The following ARHGAP21 variants were observed in gnomAD, a reference collection of about 807,000 sequenced individuals.
ARHGAP21 encodes rho GTPase-activating protein 21.
In ARHGAP21, 38 loss-of-function variants were observed where a neutral mutation model predicts 164.6. The observed-to-expected ratio is 0.23, with a 90% CI of 0.18 to 0.30. The LOEUF (loss-of-function observed/expected upper bound fraction) is 0.30, where lower values mean the gene tolerates loss of function less well. Among genes scored for constraint, ARHGAP21 ranks in the 10% least tolerant of loss-of-function variants. The pLI is 1.00. For synonymous variants in ARHGAP21, 766 were observed against 857.9 expected, an observed-to-expected ratio of 0.89 and a Z score of 1.87; for missense variants, 1,822 against 2,370.7, an observed-to-expected ratio of 0.77 and a Z score of 4.81.
At chr10:24,718,049 G>A (rs1004988300) in intron 2 of ARHGAP21, among the ~76,000 whole-genome samples, 3 of 152,134 alleles carry the variant, frequency 2.0e-5, no homozygotes, top group Non-Finnish European at 4.4e-5. Flanking sequence ...GGGAAACTCC[G>A]TAGGGAATCT....
intron 2 of ARHGAP21, among the ~76,000 whole-genome samples, chr10:24,674,146 G>A (rs1840985429): frequency 6.6e-6 from 1 of 152,172 alleles, no homozygotes; most frequent in Non-Finnish European, 1.5e-5. Context: ...TGTAATCCCA[G>A]CACTTTGGGA....
chr10:24,705,424 C>A (rs1219145267), intron 2 of ARHGAP21, among the ~76,000 whole-genome samples: 2 of 152,182 alleles, frequency 1.3e-5, no homozygotes. Flanking sequence ...TCTCTGATTT[C>A]TCTGATACAT....
rs1214171696 is a variant in ARHGAP21 at position 24,619,680 on chromosome 10, C to T, written c.2215G>A (p.Glu739Lys). 14 of 1,614,078 alleles carry T rather than the reference C, an allele frequency of 8.7e-6. No individual in the cohort carries two copies. The highest frequency in any genetic ancestry group is 1.2e-5 in the Non-Finnish European group (14 of 1,180,002). The change falls in exon 9 of 26, where the codon GAA becomes AAA. Residue 739 changes from glutamate (E) to lysine (K), a missense_variant. Around this residue, in one of 5 missense-constraint regions of ARHGAP21, gnomAD observed 1,090 missense variants for 1,378.9 expected, o/e 0.79. Coordinates refer to ENST00000396432, the MANE Select transcript of ARHGAP21 (RefSeq NM_020824.4). ...GTCTGGCGTCCAGATGGAGGTTTTT[C>T]CCTTAGGATGACAGCTTCTTTATTA... is the stretch of plus-strand genomic sequence containing the variant. ...LDNKEAVILR[E>K]KPPSGRQTPQ...
Position 24,597,371 on chromosome 10 carries a change from C to A in ARHGAP21, c.3334+76G>T, listed in dbSNP as rs935863313. 2.6e-6 allele frequency: 4 copies of A among 1,541,810 alleles called. No homozygotes were observed. In the African/African-American group the frequency reaches 5.5e-5, roughly 21 times the overall value. On this transcript the variant is annotated intron_variant, in intron 16 of 25. Transcript: ENST00000396432. Reference sequence around the variant, plus strand: ...TGGGGCCTGGTCAGTAGAAATGGTACAGAAAACATAAACGTACCTCAACGA... The same window carrying A: ...TGGGGCCTGGTCAGTAGAAATGGTAAAGAAAACATAAACGTACCTCAACGA...
chr10:24,587,567 C>CT (rs1373108359), intron 25 of ARHGAP21, among the ~76,000 whole-genome samples: 8 of 152,182 alleles, frequency 5.3e-5, no homozygotes, highest in African/African-American at 1.9e-4. Flanking sequence ...GTTATAAAGA[C>CT]TTTCATAATT....
chr10:24,722,614 G>A (rs1400147631), intron 1 of ARHGAP21: 2 of 152,262 alleles, frequency 1.3e-5, no homozygotes, highest in African/African-American at 2.4e-5. Flanking sequence ...ACACTTCGGT[G>A]AAGTTTTCTC....
At chr10:24,592,564 T>C (rs1463926606) in intron 21 of ARHGAP21, among the ~76,000 whole-genome samples, 14 of 151,936 alleles carry the variant, frequency 9.2e-5, no homozygotes, top group Non-Finnish European at 1.9e-4. Flanking sequence ...TCCCAGCACT[T>C]TGGGGGACCG....
intron 4 of ARHGAP21, among the ~76,000 whole-genome samples, chr10:24,666,200 T>C (rs1840185320): frequency 6.6e-6 from 1 of 152,108 alleles, no homozygotes. Flanking sequence ...CGGCTAATAT[T>C]TTGTATTTTT....
chr10:24,690,362 T>C (rs533918588), intron 2 of ARHGAP21, among the ~76,000 whole-genome samples: 9 of 152,154 alleles, frequency 5.9e-5, no homozygotes, highest in Non-Finnish European at 1.3e-4. Flanking sequence ...ACTGACAGCA[T>C]GAGATTCCTA....
At position 24,632,547 on chromosome 10, in the gene ARHGAP21, G is replaced by A. The variant is rs1593103264; in HGVS notation, c.440+855C>T. 2.0e-5 allele frequency among the ~76,000 whole-genome samples: 3 copies of A among 152,196 alleles called. No homozygotes were observed. In the South Asian group the frequency reaches 6.2e-4, roughly 32 times the overall value. ...TTGTAAGAAATGGCAATGTATTAGG[G>A]CATTAGTGTAAATAATTTAGATTAC... is the stretch of plus-strand genomic sequence containing the variant. On this transcript the variant is annotated intron_variant, in intron 6 of 25. Transcript: ENST00000396432.
chr10:24,662,390 C>T (rs1243761072), intron 4 of ARHGAP21, among the ~76,000 whole-genome samples: 1 of 152,184 alleles, frequency 6.6e-6, no homozygotes, highest in Non-Finnish European at 1.5e-5. Context: ...GTTACTACCA[C>T]TTACTAGCAG....
chr10:24,605,967 G>A (rs528917153), intron 11 of ARHGAP21, among the ~76,000 whole-genome samples: 1 of 152,142 alleles, frequency 6.6e-6, no homozygotes, highest in African/African-American at 2.4e-5. Flanking sequence ...ATATGACTTA[G>A]TATATAATAA....
chr10:24,711,472 T>C (rs1329938422), intron 2 of ARHGAP21, among the ~76,000 whole-genome samples: 4 of 152,192 alleles, frequency 2.6e-5, no homozygotes, highest in Admixed American at 1.3e-4. Context: ...CAGAACATCT[T>C]CATCTGTAAA....
At position 24,628,918 on chromosome 10, in the gene ARHGAP21, C is replaced by CAT. The variant is rs1213295853; in HGVS notation, c.495+1076_495+1077dup. The CAT allele has an allele frequency of 1.4e-4, 9 of 62,830 alleles. 1 individual carries two copies. Among genetic ancestry groups the CAT allele is most frequent in the East Asian group, 1.3e-3 (3 of 2,286 alleles). The allele number at this position is 62,830 out of a possible 1,614,324, so 3.9% of individuals were successfully genotyped here. On this transcript the variant is annotated intron_variant, in intron 7 of 25. Coordinates refer to ENST00000396432, the MANE Select transcript of ARHGAP21 (RefSeq NM_020824.4). The stretch of plus-strand genomic sequence containing the variant: ...ACATACATATATACACATATATACA[C>CAT]ATATATATACATACATATATATACA...
chr10:24,585,195 G>C lies in ARHGAP21; in HGVS notation c.5094C>G (p.Ile1698Met), dbSNP rs1298967438. 3.1e-6 allele frequency: 5 copies of C among 1,607,202 alleles called. No individual in the cohort carries two copies. The African/African-American group carries it at 6.7e-5, about 22-fold the overall frequency. The part of the protein sequence containing the change: ...RRQLFSSHKL[I>M]ECDTLSRKKS... Reference sequence around the variant, plus strand: ...TTTTCCTGGAAAGAGTATCACATTCGATGAGTTTATGGGAACTGAAGAGCT... The same window carrying C: ...TTTTCCTGGAAAGAGTATCACATTCCATGAGTTTATGGGAACTGAAGAGCT... Residue 1698 changes from isoleucine (I) to methionine (M), a missense_variant, in exon 26 of 26, where the codon ATC (isoleucine) becomes ATG (methionine). Coordinates refer to ENST00000396432, the MANE Select transcript of ARHGAP21 (RefSeq NM_020824.4).
chr10:24,666,887 A>G, intron 4 of ARHGAP21, 98 bp downstream of exon 4: 1 of 873,400 alleles, frequency 1.1e-6, no homozygotes, highest in Non-Finnish European at 1.7e-6. Flanking sequence ...ATATATTTGA[A>G]CACCAAAAAT....
chr10:24,638,398 C>T (rs1311419890), intron 4 of ARHGAP21, among the ~76,000 whole-genome samples: 1 of 152,198 alleles, frequency 6.6e-6, no homozygotes, highest in Non-Finnish European at 1.5e-5. Context: ...ATGTGCTCCG[C>T]AATTTTGCCA....
chr10:24,628,814 TAC>T (rs1208374800), intron 7 of ARHGAP21, among the ~76,000 whole-genome samples: 13 of 73,100 alleles, frequency 1.8e-4, no homozygotes, highest in African/African-American at 3.7e-4. Context: ...TACATATATA[TAC>T]ATATACACAC....
chr10:24,660,048 A>G (rs888155534), intron 4 of ARHGAP21, among the ~76,000 whole-genome samples: 14 of 152,200 alleles, frequency 9.2e-5, no homozygotes, highest in African/African-American at 3.4e-4. Flanking sequence ...CACTACCATC[A>G]TCATTATCAT....
Sources: allele counts gnomAD v4.1 joint callset (sites outside exome capture counted in the v4.1 genomes callset), GRCh38; gene constraint gnomAD v4.1.1; regional missense constraint gnomAD v4.1.1; transcripts MANE v1.5; gene names NCBI Gene and HGNC (gene_info 2026-07-23, HGNC 2026-07-21).